The following DENND5A variants were observed in gnomAD, a reference collection of about 807,000 sequenced individuals.
The protein encoded by DENND5A is DENN domain-containing protein 5A.
DENND5A carries 64 observed loss-of-function variants against 140.3 expected under a neutral mutation model. The ratio of observed to expected loss-of-function variants is 0.46; its 90% CI spans 0.37 to 0.56. The LOEUF is 0.56. Ranked by LOEUF, DENND5A falls within the 20% of genes least tolerant of loss-of-function variation. DENND5A has a pLI of 0.00. For missense variants in DENND5A, 1,292 were observed against 1,593.8 expected (o/e 0.81, Z 3.22); for synonymous variants, 605 against 607.7 (o/e 1.00, Z 0.07).
At chr11:9,143,308 A>G in intron 20 of DENND5A, 95 bp downstream of exon 20, 3 of 1,108,954 alleles carry the variant, frequency 2.7e-6, no homozygotes, top group Non-Finnish European at 4.1e-6. Context: ...TCCACAGCAC[A>G]TGGGCCTGGA....
At chr11:9,244,062 CAA>C (rs1851361149) in intron 1 of DENND5A, among the ~76,000 whole-genome samples, 1 of 152,070 alleles carries the variant, frequency 6.6e-6, no homozygotes, top group Admixed American at 6.6e-5. Context: ...TTCAGGGAGT[CAA>C]AAGTTACTTG....
chr11:9,204,003 G>A lies in DENND5A; in HGVS notation c.606C>T (p.Tyr202=), dbSNP rs533987270. The A allele has an allele frequency of 2.3e-5, 37 of 1,614,152 alleles. 1 individual carries two copies. Among genetic ancestry groups the A allele is most frequent in the Admixed American group, 3.3e-5 (2 of 60,014 alleles). ...TGATGAGGCAGATGCACTTAGAGAC[G>A]TAGAGAGTGTCCCGGCTAATGTCAT... The part of the protein sequence containing the change: ...NSYDISRDTL[Y]VSKCICLITP... Residue 202 remains tyrosine (Y), a synonymous_variant, in exon 4 of 23, where the codon TAC becomes TAT. Coordinates refer to ENST00000328194, the MANE Select transcript of DENND5A (RefSeq NM_015213.4).
intron 4 of DENND5A, among the ~76,000 whole-genome samples, chr11:9,195,060 C>G (rs1849275487): frequency 7.5e-6 from 1 of 134,066 alleles, no homozygotes. Context: ...TATATTGGTA[C>G]AGCCAATAAA....
intron 1 of DENND5A, among the ~76,000 whole-genome samples, chr11:9,259,283 G>T (rs1026778573): frequency 1.3e-5 from 2 of 151,330 alleles, no homozygotes; most frequent in South Asian, 4.2e-4. Context: ...AACAGGCCAG[G>T]CGTGGTGACT....
chr11:9,161,174 C>T (rs1432200575), intron 11 of DENND5A, among the ~76,000 whole-genome samples: 5 of 152,092 alleles, frequency 3.3e-5, no homozygotes, highest in East Asian at 3.8e-4. Context: ...GGTGAAACCC[C>T]GTCTCTATTA....
At chr11:9,162,196 T>C (rs2136141888) in intron 11 of DENND5A, among the ~76,000 whole-genome samples, 1 of 150,642 alleles carries the variant, frequency 6.6e-6, no homozygotes, top group East Asian at 1.9e-4. Context: ...ATATATATGC[T>C]ATTACATCAT....
chr11:9,163,339 C>A (rs1406548890), intron 11 of DENND5A, among the ~76,000 whole-genome samples: 1 of 152,164 alleles, frequency 6.6e-6, no homozygotes, highest in African/African-American at 2.4e-5. Flanking sequence ...TGTTGCCTCA[C>A]GTGCAAGCCA....
At chr11:9,197,350 G>A (rs1441955290) in intron 4 of DENND5A, among the ~76,000 whole-genome samples, 1 of 148,470 alleles carries the variant, frequency 6.7e-6, no homozygotes, top group African/African-American at 2.5e-5. Flanking sequence ...TACTGGAAAA[G>A]AGGGAATTTT....
intron 11 of DENND5A, among the ~76,000 whole-genome samples, chr11:9,162,255 T>TTTTTA (rs1848011264): frequency 6.8e-6 from 1 of 147,260 alleles, no homozygotes; most frequent in Non-Finnish European, 1.5e-5. Flanking sequence ...TTTTTTTTTT[T>TTTTTA]GAGATGGAGT....
intron 1 of DENND5A, among the ~76,000 whole-genome samples, chr11:9,254,158 GAAAAAA>G (rs10718465): frequency 1.1e-5 from 1 of 91,886 alleles, no homozygotes; most frequent in Non-Finnish European, 2.1e-5. Context: ...CTCTGTCTCA[GAAAAAA>G]AAAAAAAAAA....
In DENND5A at chr11:9,204,129, C is replaced by G. The variant is rs148784597; in HGVS notation, c.480G>C (p.Glu160Asp). The change falls in exon 4 of 23, where the codon GAG (glutamate) becomes GAC (aspartate). Residue 160 changes from glutamate (E) to aspartate (D), a missense_variant. Coordinates refer to ENST00000328194, the MANE Select transcript of DENND5A (RefSeq NM_015213.4). Reference protein sequence around the residue: ...MQTLYHMHNAEYDVLHAPPAD... With the variant: ...MQTLYHMHNADYDVLHAPPAD... ...CAGGGGGAGCATGTAGGACATCATA[C>G]TCAGCATTGTGCATGTGGTAGAGGG... 1.2e-6 allele frequency: 2 copies of G among 1,614,170 alleles called. No individual in the cohort carries two copies. The highest frequency in any genetic ancestry group is 2.2e-5 in the South Asian group (2 of 91,078).
chr11:9,227,231 T>C (rs1434545733), intron 1 of DENND5A, among the ~76,000 whole-genome samples: 13 of 151,832 alleles, frequency 8.6e-5, no homozygotes, highest in African/African-American at 3.1e-4. Context: ...CACAGAGTGA[T>C]ATTTTCTCCA....
At chr11:9,232,857 G>C (rs900681144) in intron 1 of DENND5A, among the ~76,000 whole-genome samples, 1 of 152,138 alleles carries the variant, frequency 6.6e-6, no homozygotes, top group Non-Finnish European at 1.5e-5. Context: ...ATAAGGTGTG[G>C]TAAAGTCACA....
intron 6 of DENND5A, 123 bp from the exon 7 acceptor site, chr11:9,179,196 T>C: frequency 1.2e-6 from 1 of 813,598 alleles, no homozygotes; most frequent in Non-Finnish European, 1.9e-6. Context: ...CAGGAAATGA[T>C]GAGAACAAAA....
At chr11:9,144,368 G>T in intron 18 of DENND5A, 90 bp from the exon 19 acceptor site, 2 of 1,322,884 alleles carry the variant, frequency 1.5e-6, no homozygotes, top group African/African-American at 1.5e-5. Flanking sequence ...CCTGGAGATA[G>T]GCTCTGAAAC....
intron 13 of DENND5A, 45 bp from the exon 14 acceptor site, chr11:9,150,809 A>G (rs1031016673): frequency 1.5e-6 from 2 of 1,327,786 alleles, no homozygotes; most frequent in Non-Finnish European, 2.2e-6. Flanking sequence ...CTGAATATCC[A>G]AATAGCTGAC....
intron 8 of DENND5A, among the ~76,000 whole-genome samples, chr11:9,175,940 T>A (rs1228588247): frequency 6.6e-6 from 1 of 152,186 alleles, no homozygotes; most frequent in Non-Finnish European, 1.5e-5. Flanking sequence ...AAAAGTATAA[T>A]CCAACTGATA....
At position 9,178,173 on chromosome 11, in the gene DENND5A, C is replaced by T. The variant is rs1295693213; in HGVS notation, c.1865G>A (p.Arg622His). ...GGTACACTTCTGGTACATGGATGTA[C>T]GGAGAGTAGGTGTCCGAACATTCAA... Reference protein sequence around the residue: ...RLLNVRTPTLRTSMYQKCTTV... With the variant: ...RLLNVRTPTLHTSMYQKCTTV... Residue 622 changes from arginine (R) to histidine (H), a missense_variant, in exon 8 of 23, where the codon CGT (arginine) becomes CAT (histidine). Physicochemically the swap from Arg to His is conservative, Grantham distance 29 (BLOSUM62 0). Around this residue, in one of 4 missense-constraint regions of DENND5A, gnomAD observed 199 missense variants for 189.1 expected, o/e 1.05. Coordinates refer to ENST00000328194, the MANE Select transcript of DENND5A (RefSeq NM_015213.4). 1.2e-5 allele frequency: 20 copies of T among 1,614,064 alleles called. No individual in the cohort carries two copies. Among genetic ancestry groups the T allele is most frequent in the Non-Finnish European group, 1.6e-5 (19 of 1,179,930 alleles).
At chr11:9,193,275 A>C (rs558753148) in intron 5 of DENND5A, among the ~76,000 whole-genome samples, 1 of 152,314 alleles carries the variant, frequency 6.6e-6, no homozygotes, top group South Asian at 2.1e-4. Context: ...CAGAAATTAC[A>C]ATGTACATAT....
Sources: allele counts gnomAD v4.1 joint callset (sites outside exome capture counted in the v4.1 genomes callset), GRCh38; gene constraint gnomAD v4.1.1; regional missense constraint gnomAD v4.1.1; transcripts MANE v1.5; gene names NCBI Gene and HGNC (gene_info 2026-07-23, HGNC 2026-07-21).